The following HGSNAT variants were observed in gnomAD, a reference collection of about 807,000 sequenced individuals.
The protein encoded by HGSNAT is heparan-alpha-glucosaminide N-acetyltransferase.
HGSNAT carries 59 observed loss-of-function variants against 85.2 expected under a neutral mutation model. The ratio of observed to expected loss-of-function variants is 0.69; its 90% CI spans 0.56 to 0.86. The LOEUF is 0.86. Among genes scored for constraint, HGSNAT ranks in the 40% least tolerant of loss-of-function variants. HGSNAT has a pLI of 0.00. For missense variants in HGSNAT, 756 were observed against 777.1 expected (o/e 0.97, Z 0.32); for synonymous variants, 321 against 304.5 (o/e 1.05, Z -0.56).
chr8:43,199,068 A>T lies in HGSNAT; in HGVS notation c.1727-320A>T, dbSNP rs553435050. Among the ~76,000 whole-genome samples, 4 of 152,052 alleles carry T rather than the reference A, an allele frequency of 2.6e-5. No individual in the cohort carries two copies. In the South Asian group the frequency reaches 8.3e-4, roughly 32 times the overall value. Reference sequence around the variant, plus strand: ...GGGCACACCCCACCACGCCCGGCTAATTTTGTATTTTTAGTAGAGACGGGG... The same window carrying T: ...GGGCACACCCCACCACGCCCGGCTATTTTTGTATTTTTAGTAGAGACGGGG... On this transcript the variant is annotated intron_variant, in intron 17 of 17. Transcript: ENST00000379644.
At position 43,156,483 on chromosome 8, in the gene HGSNAT, T is replaced by G. The variant is rs542821069; in HGVS notation, c.235-2092T>G. On this transcript the variant is annotated intron_variant, in intron 2 of 17. Coordinates refer to ENST00000379644, the MANE Select transcript of HGSNAT (RefSeq NM_152419.3). ...ACCATGCCCAGCTAATTTTTAAAAT[T>G]TTTTCATTGACTCATTGGTTATTCA... Among the ~76,000 whole-genome samples, 9 of 152,294 alleles carry G rather than the reference T, an allele frequency of 5.9e-5. No individual in the cohort carries two copies. The South Asian group carries it at 1.4e-3, about 25-fold the overall frequency.
Position 43,197,520 on chromosome 8 carries a change from A to G in HGSNAT, c.1543-152A>G, listed in dbSNP as rs190317916. 6.5e-5 allele frequency: 41 copies of G among 631,798 alleles called. No homozygotes were observed. The highest frequency in any genetic ancestry group is 1.1e-4 in the Non-Finnish European group (39 of 361,592). 39.1% of individuals were successfully genotyped at this position (631,798 alleles called of 1,614,324 possible). A position where few individuals can be genotyped will look rare whatever the true frequency, so the allele number is the denominator to read the frequency against. On this transcript the variant is annotated intron_variant, in intron 15 of 17. Coordinates refer to ENST00000379644, the MANE Select transcript of HGSNAT (RefSeq NM_152419.3). ...AGTATTTTTCAGTTCATACATTTAA[A>G]AAAATATGTTTCCATTTAAAAGAGA...
chr8:43,178,266 C>T (rs760474081), intron 10 of HGSNAT, 32 bp downstream of exon 10: 1 of 1,422,376 alleles, frequency 7.0e-7, no homozygotes, highest in East Asian at 2.4e-5. Flanking sequence ...TATATATATT[C>T]AGGTTGAAAT....
At position 43,141,939 on chromosome 8, in the gene HGSNAT, T is replaced by A. The variant is rs555986773; in HGVS notation, c.118+1325T>A. 9.2e-5 allele frequency among the ~76,000 whole-genome samples: 14 copies of A among 152,274 alleles called. No homozygotes were observed. The South Asian group carries it at 2.9e-3, about 32-fold the overall frequency. On this transcript the variant is annotated intron_variant, in intron 1 of 17. Transcript: ENST00000379644. ...GAGAGAGGTGGTTTGTAAATAGTAA[T>A]CACACGTAGTGAGGGGAAGCCGCGT...
chr8:43,199,022 C>G (rs1159646926), intron 17 of HGSNAT, among the ~76,000 whole-genome samples: 1 of 152,206 alleles, frequency 6.6e-6, no homozygotes, highest in Non-Finnish European at 1.5e-5. Context: ...GTGCCTCAGC[C>G]TCCCAAGAAG....
chr8:43,155,054 G>C (rs1803049225), intron 2 of HGSNAT, among the ~76,000 whole-genome samples: 1 of 151,984 alleles, frequency 6.6e-6, no homozygotes, highest in Admixed American at 6.6e-5. Context: ...TTTTTTTCTT[G>C]TAAATTTGAC....
In HGSNAT at chr8:43,199,799, C is replaced by A; in HGVS notation, c.*230C>A. 1 of 346,270 alleles carries A rather than the reference C, an allele frequency of 2.9e-6. No individual in the cohort carries two copies. Among genetic ancestry groups the A allele is most frequent in the East Asian group, 4.4e-5 (1 of 22,666 alleles). 21.4% of individuals were successfully genotyped at this position (346,270 alleles called of 1,614,324 possible). On this transcript the variant is annotated 3_prime_UTR_variant, in exon 18 of 18. Coordinates refer to ENST00000379644, the MANE Select transcript of HGSNAT (RefSeq NM_152419.3). ...TGAAATGTAATTGTCTTTTTTCCTC[C>A]ATCTTCTGTGGAAATGGATGTCTTT...
At position 43,179,557 on chromosome 8, in the gene HGSNAT, G is replaced by A. The variant is rs867010725; in HGVS notation, c.1012+1323G>A. Among the ~76,000 whole-genome samples, 396 of 121,030 alleles carry A rather than the reference G, an allele frequency of 3.3e-3. 12 individuals carry two copies. Among genetic ancestry groups the A allele is most frequent in the African/African-American group, 0.012 (356 of 29,070 alleles). 79.4% of individuals were successfully genotyped at this position (121,030 alleles called of 152,430 possible). On this transcript the variant is annotated intron_variant, in intron 10 of 17. Coordinates refer to ENST00000379644, the MANE Select transcript of HGSNAT (RefSeq NM_152419.3). Reference sequence around the variant, plus strand: ...CGACCCCCCCCACCGCCTCCCTCCCGGACGGGGCGGCTGGCCGGACAGAGG... The same window carrying A: ...CGACCCCCCCCACCGCCTCCCTCCCAGACGGGGCGGCTGGCCGGACAGAGG...
In HGSNAT at chr8:43,191,394, G is replaced by C. The variant is rs941714897; in HGVS notation, c.1129-80G>C. The C allele has an allele frequency of 1.5e-5, 23 of 1,534,098 alleles. No homozygotes were observed. The African/African-American group carries it at 2.2e-4, about 15-fold the overall frequency. On this transcript the variant is annotated intron_variant, in intron 11 of 17. Coordinates refer to ENST00000379644, the MANE Select transcript of HGSNAT (RefSeq NM_152419.3). ...AAAAGGCCAAGAAATGAGTCACCGG[G>C]AATTTCCTAAAGACATGTGCTTAGT...
rs1173912671 is a variant in HGSNAT, at chr8:43,181,228, A to G, written c.1013-917A>G. On this transcript the variant is annotated intron_variant, in intron 10 of 17. Coordinates refer to ENST00000379644, the MANE Select transcript of HGSNAT (RefSeq NM_152419.3). Reference sequence around the variant, plus strand: ...GAGGGAGAGGGAGAGGGAGAGGGAGAGGGAGAGCATTTCATCAGCTTTCGA... The same window carrying G: ...GAGGGAGAGGGAGAGGGAGAGGGAGGGGGAGAGCATTTCATCAGCTTTCGA... Among the ~76,000 whole-genome samples, 7 of 128,848 alleles carry G rather than the reference A, an allele frequency of 5.4e-5. No individual in the cohort carries two copies. The South Asian group carries it at 1.4e-3, about 25-fold the overall frequency. 84.5% of individuals were successfully genotyped at this position (128,848 alleles called of 152,430 possible). A position where few individuals can be genotyped will look rare whatever the true frequency, so the allele number is the denominator to read the frequency against.
intron 8 of HGSNAT, among the ~76,000 whole-genome samples, chr8:43,173,459 G>C (rs937849671): frequency 6.6e-6 from 1 of 151,830 alleles, no homozygotes; most frequent in African/African-American, 2.4e-5. Context: ...ACAGGTGCCC[G>C]CCACCACACC....
At position 43,197,863 on chromosome 8, in the gene HGSNAT, T is replaced by C; in HGVS notation, c.1637T>C (p.Leu546Pro). Residue 546 changes from leucine (L) to proline (P), a missense_variant, in exon 17 of 18, where the codon CTC becomes CCC. Leu to Pro is a moderately conservative substitution (Grantham distance 98). Transcript: ENST00000379644. ...AGGTCCCTTTCGTATGTCACTACGCTCAGTTCTTTTGCCTTCTTCATCCTG... is the reference window on the plus strand; with the variant it reads ...AGGTCCCTTTCGTATGTCACTACGCCCAGTTCTTTTGCCTTCTTCATCCTG... Reference protein sequence around the residue: ...NLWSLSYVTTLSSFAFFILLV... With the variant: ...NLWSLSYVTTPSSFAFFILLV... 3 of 1,614,000 alleles carry C rather than the reference T, an allele frequency of 1.9e-6. No individual in the cohort carries two copies. The highest frequency in any genetic ancestry group is 1.1e-5 in the South Asian group (1 of 91,086).
Position 43,193,860 on chromosome 8 carries a change from T to C in HGSNAT, c.1464+17T>C, listed in dbSNP as rs1804623369. On this transcript the variant is annotated intron_variant, in intron 14 of 17. Coordinates refer to ENST00000379644, the MANE Select transcript of HGSNAT (RefSeq NM_152419.3). ...GGAGTTCAGGTATTTGTTCATTTCA[T>C]TAGGTTACTTTTTCTGACAATTTAT... The C allele has an allele frequency of 6.2e-7, 1 of 1,609,574 alleles. No homozygotes were observed. Among genetic ancestry groups the C allele is most frequent in the African/African-American group, 1.3e-5 (1 of 74,802 alleles).
intron 2 of HGSNAT, among the ~76,000 whole-genome samples, chr8:43,153,237 C>T (rs1802975611): frequency 6.6e-6 from 1 of 151,830 alleles, no homozygotes; most frequent in Non-Finnish European, 1.5e-5. Context: ...ATAACTAAGA[C>T]CATGGGGAAA....
At chr8:43,151,304 G>A (rs1421003237) in intron 2 of HGSNAT, among the ~76,000 whole-genome samples, 1 of 152,164 alleles carries the variant, frequency 6.6e-6, no homozygotes, top group Non-Finnish European at 1.5e-5. Flanking sequence ...TCTGTCACTT[G>A]TGTTACTTTG....
At chr8:43,148,749 C>T (rs552711451) in intron 2 of HGSNAT, among the ~76,000 whole-genome samples, 100 of 148,838 alleles carry the variant, frequency 6.7e-4, no homozygotes, top group African/African-American at 2.3e-3. Context: ...GCCGAGATCG[C>T]ACCATTGCAC....
rs1406271920 is a variant in HGSNAT, at chr8:43,200,936, C to G, written c.*1367C>G. ...TCCACCTGGAGGCCAGCCCATGTCT[C>G]AGGCCCAGCCCTAGCCTCTTCTCCT... On this transcript the variant is annotated 3_prime_UTR_variant, in exon 18 of 18. Coordinates refer to ENST00000379644, the MANE Select transcript of HGSNAT (RefSeq NM_152419.3). The G allele has an allele frequency of 6.5e-6, 1 of 152,868 alleles. No individual in the cohort carries two copies. Among genetic ancestry groups the G allele is most frequent in the Non-Finnish European group, 1.5e-5 (1 of 68,568 alleles). 9.5% of individuals were successfully genotyped at this position (152,868 alleles called of 1,614,324 possible).
intron 2 of HGSNAT, among the ~76,000 whole-genome samples, chr8:43,148,228 G>A (rs944803961): frequency 1.3e-5 from 2 of 151,922 alleles, no homozygotes; most frequent in South Asian, 4.2e-4. Context: ...GGCAACAAAA[G>A]CGAAACTCTG....
chr8:43,166,981 C>A (rs996115178), intron 5 of HGSNAT, among the ~76,000 whole-genome samples: 4 of 152,026 alleles, frequency 2.6e-5, no homozygotes, highest in Admixed American at 6.6e-5. Flanking sequence ...TTTAAGGCTT[C>A]AGTGGAGGAA....
Sources: gnomAD v4.1 joint callset for allele counts (sites outside exome capture counted in the v4.1 genomes callset) on GRCh38, gnomAD v4.1.1 for gene constraint, MANE v1.5 for transcripts, NCBI Gene and HGNC (gene_info 2026-07-23, HGNC 2026-07-21) for gene names.